Variants in RALGAPB observed in about 807,000 individuals in gnomAD.
RALGAPB encodes the protein ral GTPase-activating protein subunit beta.
In RALGAPB, 25 loss-of-function variants were observed where a neutral mutation model predicts 161.1. That is an observed-to-expected ratio of 0.16 (90% confidence interval 0.11 to 0.22). The LOEUF (loss-of-function observed/expected upper bound fraction) is 0.22. Ranked by LOEUF, RALGAPB falls within the 10% of genes least tolerant of loss-of-function variation. RALGAPB has a pLI of 1.00. For missense variants in RALGAPB, 1,391 were observed against 1,815.2 expected, an observed-to-expected ratio of 0.77 and a Z score of 4.25; for synonymous variants, 629 against 626.1, an observed-to-expected ratio of 1.00 and a Z score of -0.07.
intron 5 of RALGAPB, among the ~76,000 whole-genome samples, chr20:38,503,376 A>G (rs936209992): frequency 6.6e-6 from 1 of 152,208 alleles, no homozygotes; most frequent in African/African-American, 2.4e-5. Context: ...CCATATCAAC[A>G]TTAACAGGAG....
chr20:38,554,161 A>C, intron 22 of RALGAPB, 85 bp downstream of exon 22: 1 of 1,207,910 alleles, frequency 8.3e-7, no homozygotes. Context: ...ATCAGGATAG[A>C]AGCGAATTAA....
intron 1 of RALGAPB, among the ~76,000 whole-genome samples, chr20:38,486,206 C>G (rs1311648327): frequency 6.6e-6 from 1 of 152,098 alleles, no homozygotes; most frequent in Non-Finnish European, 1.5e-5. Flanking sequence ...CTCCTGACCT[C>G]AGGTGATCCA....
chr20:38,516,858 T>C (rs1366221843), intron 7 of RALGAPB, among the ~76,000 whole-genome samples: 1 of 152,216 alleles, frequency 6.6e-6, no homozygotes, highest in African/African-American at 2.4e-5. Flanking sequence ...ATTTTAGATA[T>C]ATGAAAAGTC....
At chr20:38,571,237 A>G (rs927045495) in intron 28 of RALGAPB, among the ~76,000 whole-genome samples, 4 of 152,050 alleles carry the variant, frequency 2.6e-5, no homozygotes, top group Admixed American at 6.5e-5. Flanking sequence ...ACCACTTAAC[A>G]TAAGATCTAC....
intron 1 of RALGAPB, 87 bp from the exon 2 acceptor site, chr20:38,488,316 A>AT: frequency 2.5e-6 from 2 of 812,368 alleles, no homozygotes; most frequent in Non-Finnish European, 1.9e-6. Flanking sequence ...ATTCTTTATC[A>AT]TGCCAATAGT....
chr20:38,544,033 T>A (rs1011060851), intron 18 of RALGAPB, among the ~76,000 whole-genome samples: 1 of 152,148 alleles, frequency 6.6e-6, no homozygotes, highest in Admixed American at 6.5e-5. Flanking sequence ...TTTTTTTTCC[T>A]CTCTGTGTAC....
chr20:38,495,421 A>G (rs936376434), intron 3 of RALGAPB, among the ~76,000 whole-genome samples: 1 of 152,364 alleles, frequency 6.6e-6, no homozygotes, highest in African/African-American at 2.4e-5. Context: ...CAGGGTTAGC[A>G]AAGAGTCAGA....
At chr20:38,523,685 A>T (rs1460487842) in intron 10 of RALGAPB, among the ~76,000 whole-genome samples, 2 of 152,240 alleles carry the variant, frequency 1.3e-5, no homozygotes, top group Non-Finnish European at 2.9e-5. Context: ...GGTGTGGGTT[A>T]GAATGATTTG....
At chr20:38,574,720 A>G (rs755964496) in intron 29 of RALGAPB, 54 bp from the exon 30 acceptor site, 76 of 1,490,262 alleles carry the variant, frequency 5.1e-5, no homozygotes, top group Non-Finnish European at 7.1e-5. Context: ...CTTACAGTTC[A>G]CCTACGTAAG....
chr20:38,564,937 C>T (rs1049155975), intron 24 of RALGAPB, among the ~76,000 whole-genome samples: 1 of 150,998 alleles, frequency 6.6e-6, no homozygotes, highest in Admixed American at 6.6e-5. Context: ...TCTTCTTCCT[C>T]TTCCCCCCTC....
chr20:38,509,677 C>A (rs1276458138), intron 6 of RALGAPB, among the ~76,000 whole-genome samples: 1 of 152,186 alleles, frequency 6.6e-6, no homozygotes, highest in African/African-American at 2.4e-5. Flanking sequence ...CCTGCTGTCC[C>A]TGTCTTTTAT....
intron 3 of RALGAPB, among the ~76,000 whole-genome samples, chr20:38,496,710 C>T (rs1055718124): frequency 2.6e-5 from 4 of 152,120 alleles, no homozygotes; most frequent in Non-Finnish European, 4.4e-5. Context: ...ACTGTTGTTC[C>T]GGGGTATCCT....
chr20:38,537,650 G>A (rs138955232), intron 16 of RALGAPB: 5 of 152,230 alleles, frequency 3.3e-5, no homozygotes, highest in African/African-American at 7.2e-5. Flanking sequence ...CAGGCTGGGA[G>A]GAAATGTTTA....
At chr20:38,478,271 C>T (rs1383917734) in intron 1 of RALGAPB, among the ~76,000 whole-genome samples, 1 of 152,222 alleles carries the variant, frequency 6.6e-6, no homozygotes, top group East Asian at 1.9e-4. Context: ...CAAGTCATAG[C>T]TTTACTTTGT....
intron 23 of RALGAPB, among the ~76,000 whole-genome samples, chr20:38,561,432 C>T (rs559873212): frequency 2.0e-5 from 3 of 152,334 alleles, no homozygotes; most frequent in African/African-American, 7.2e-5. Context: ...TTGACTTTCA[C>T]AGGCCTCTGT....
chr20:38,539,825 T>A lies in RALGAPB; in HGVS notation c.2429T>A (p.Val810Glu). Residue 810 changes from valine (V) to glutamate (E), a missense_variant, in exon 17 of 30, where the codon GTG becomes GAG. This residue lies in a region of RALGAPB where 946 missense variants were observed against 1,257.2 expected (regional missense o/e 0.75). Transcript: ENST00000262879. The part of the protein sequence containing the change: ...SGDRKRAISS[V>E]CTYIVYQCSR... ...GACCGGAAGCGAGCCATCAGTTCTG[T>A]GTGCACCTACATTGTTTATCAGTGT... 1 of 1,614,100 alleles carries A rather than the reference T, an allele frequency of 6.2e-7. No individual in the cohort carries two copies.
chr20:38,521,947 C>T (rs1398863866), intron 10 of RALGAPB, among the ~76,000 whole-genome samples: 1 of 152,192 alleles, frequency 6.6e-6, no homozygotes, highest in Non-Finnish European at 1.5e-5. Context: ...GGAGAGATTT[C>T]GAAGGACCAC....
At chr20:38,476,491 C>G (rs1204878670) in intron 1 of RALGAPB, among the ~76,000 whole-genome samples, 1 of 152,144 alleles carries the variant, frequency 6.6e-6, no homozygotes, top group Non-Finnish European at 1.5e-5. Context: ...CTTTCGCCCC[C>G]GACCCCTTCC....
In RALGAPB at chr20:38,558,394, C is replaced by T. The variant is rs749771336; in HGVS notation, c.3472C>T (p.Arg1158Cys). Residue 1158 changes from arginine (R) to cysteine (C), a missense_variant, in exon 23 of 30, where the codon CGT (arginine) becomes TGT (cysteine). Transcript: ENST00000262879. Reference protein sequence around the residue: ...DIGYLDLLPCRPFDTVFIFYM... With the variant: ...DIGYLDLLPCCPFDTVFIFYM... The stretch of plus-strand genomic sequence containing the variant: ...TGGGTATCTGGATCTCTTGCCATGT[C>T]GTCCTTTTGACACAGTTTTTATTTT... 1.2e-5 allele frequency: 19 copies of T among 1,606,182 alleles called. No individual in the cohort carries two copies. The highest frequency in any genetic ancestry group is 1.7e-4 in the Middle Eastern group (1 of 6,036).
Sources: allele counts gnomAD v4.1 joint callset (sites outside exome capture counted in the v4.1 genomes callset), GRCh38; gene constraint gnomAD v4.1.1; regional missense constraint gnomAD v4.1.1; transcripts MANE v1.5; gene names NCBI Gene and HGNC (gene_info 2026-07-23, HGNC 2026-07-21).